Variants in ITPRID1 observed in about 807,000 individuals in gnomAD.
ITPRID1 encodes protein ITPRID1.
A neutral mutation model predicts 95.4 loss-of-function variants in ITPRID1; 96 were observed. The ratio of observed to expected loss-of-function variants is 1.01; its 90% CI spans 0.85 to 1.19. ITPRID1 has a LOEUF of 1.19. ITPRID1 is among the 50% of genes most tolerant of loss of function. ITPRID1 has a pLI of 0.00. For synonymous variants in ITPRID1, 510 were observed against 453.6 expected (o/e 1.12, Z -1.58); for missense variants, 1,339 against 1,252.9 (o/e 1.07, Z -1.04).
chr7:31,560,200 C>G (rs1784580447), intron 5 of ITPRID1, among the ~76,000 whole-genome samples: 1 of 152,118 alleles, frequency 6.6e-6, no homozygotes, highest in African/African-American at 2.4e-5. Flanking sequence ...GGAGTATGTC[C>G]TCTGTGTTCC....
intron 10 of ITPRID1, among the ~76,000 whole-genome samples, chr7:31,625,601 A>G (rs1034608734): frequency 1.3e-5 from 2 of 152,024 alleles, no homozygotes; most frequent in African/African-American, 4.8e-5. Flanking sequence ...GAGAGGGAAC[A>G]TCACACTCTG....
chr7:31,519,628 A>C (rs1473178694), intron 1 of ITPRID1, among the ~76,000 whole-genome samples: 125 of 93,384 alleles, frequency 1.3e-3, no homozygotes, highest in Middle Eastern at 6.6e-3. Flanking sequence ...CTCTATATAT[A>C]TATATATATA....
chr7:31,568,768 A>C (rs1047344175), intron 5 of ITPRID1, among the ~76,000 whole-genome samples: 1 of 152,072 alleles, frequency 6.6e-6, no homozygotes, highest in Non-Finnish European at 1.5e-5. Context: ...TTGCTCAAAA[A>C]CCTTTCGTGG....
intron 10 of ITPRID1, among the ~76,000 whole-genome samples, chr7:31,622,000 G>A (rs1357696198): frequency 4.2e-5 from 6 of 142,784 alleles, no homozygotes; most frequent in Middle Eastern, 7.0e-3. Context: ...GATCAAAAGA[G>A]ACAAAGAAGG....
At position 31,552,989 on chromosome 7, in the gene ITPRID1, T is replaced by C; in HGVS notation, c.-23-13T>C. 5 of 1,594,578 alleles carry C rather than the reference T, an allele frequency of 3.1e-6. No individual in the cohort carries two copies. The Middle Eastern group carries it at 5.0e-4, about 159-fold the overall frequency. ...TCATCGTGTCTGATTTGTTTGTGTG[T>C]GTGTGTTTTAAGTTAGTTTGCAGAA... On this transcript the variant is annotated splice_polypyrimidine_tract_variant and intron_variant, in intron 2 of 14. Transcript: ENST00000615280.
chr7:31,540,285 T>A (rs780115284), intron 1 of ITPRID1, among the ~76,000 whole-genome samples: 1 of 152,108 alleles, frequency 6.6e-6, no homozygotes, highest in Non-Finnish European at 1.5e-5. Flanking sequence ...CCCTCAGTTA[T>A]TAGTTGTCAG....
chr7:31,519,620 C>CTCTCTCTCTCTCTCTCTCTATA, intron 1 of ITPRID1, among the ~76,000 whole-genome samples: 1 of 25,254 alleles, frequency 4.0e-5, no homozygotes, highest in Non-Finnish European at 7.3e-5. Flanking sequence ...CTCTCTCTCT[C>CTCTCTCTCTCTCTCTCTCTATA]TATATATATA....
chr7:31,533,917 G>A (rs1783678888), intron 1 of ITPRID1, among the ~76,000 whole-genome samples: 1 of 152,134 alleles, frequency 6.6e-6, no homozygotes, highest in African/African-American at 2.4e-5. Context: ...ACTAGTATTA[G>A]TCCCTGGCCT....
chr7:31,632,022 A>C (rs1409628928), intron 10 of ITPRID1, among the ~76,000 whole-genome samples: 1 of 152,212 alleles, frequency 6.6e-6, no homozygotes, highest in African/African-American at 2.4e-5. Flanking sequence ...GAAGGCTTCC[A>C]GTAGAAGGTT....
chr7:31,553,827 T>G (rs964896596), intron 3 of ITPRID1, among the ~76,000 whole-genome samples: 11 of 152,198 alleles, frequency 7.2e-5, no homozygotes, highest in African/African-American at 2.7e-4. Context: ...AGTACACAGT[T>G]GCTAAGCAGA....
rs763795462 is a variant in ITPRID1 at position 31,651,945 on chromosome 7, G to T, written c.2718G>T (p.Glu906Asp). ...TTCTATTATTTACTTGCAGGGAGGA[G>T]GCCGAGCAACTGCAAACGTTACGTG... ...SRDMSEEERE[E>D]AEQLQTLREA... is the part of the protein sequence containing the mutation. Residue 906 changes from glutamate (E) to aspartate (D), a missense_variant, in exon 14 of 15, where the codon GAG becomes GAT. Transcript: ENST00000615280. 6.3e-7 allele frequency: 1 copy of T among 1,592,356 alleles called. No homozygotes were observed. Among genetic ancestry groups the T allele is most frequent in the Non-Finnish European group, 8.6e-7 (1 of 1,169,180 alleles).
chr7:31,585,080 C>T (rs1239390902), intron 10 of ITPRID1, among the ~76,000 whole-genome samples: 2 of 152,192 alleles, frequency 1.3e-5, no homozygotes, highest in African/African-American at 4.8e-5. Flanking sequence ...AATAAGCCAT[C>T]TTTGATGTCT....
chr7:31,647,673 CAAAA>C lies in ITPRID1; in HGVS notation c.2584-3450_2584-3447del, dbSNP rs11345351. ...TGAGCAACAGAGAGAGTCTCCGTCT[CAAAA>C]AAAAAAAAAAAAAAAAAAGAAGAGG... On this transcript the variant is annotated intron_variant, in intron 12 of 14. Coordinates refer to ENST00000615280, the MANE Select transcript of ITPRID1 (RefSeq NM_001257967.3). Among the ~76,000 whole-genome samples, 226 of 69,366 alleles carry C rather than the reference CAAAA, an allele frequency of 3.3e-3. 1 individual carries two copies. Among genetic ancestry groups the C allele is most frequent in the African/African-American group, 0.011 (215 of 19,478 alleles). The allele number at this position is 69,366 out of a possible 152,430, so 45.5% of individuals were successfully genotyped here. A position where few individuals can be genotyped will look rare whatever the true frequency, so the allele number is the denominator to read the frequency against.
chr7:31,587,146 A>C (rs1203837808), intron 10 of ITPRID1, among the ~76,000 whole-genome samples: 2 of 152,196 alleles, frequency 1.3e-5, no homozygotes, highest in Admixed American at 1.3e-4. Context: ...CAGGGCAATT[A>C]GGCAGGAGAA....
intron 10 of ITPRID1, among the ~76,000 whole-genome samples, chr7:31,615,752 CTTTTTTTTTTTT>C (rs11324820): frequency 7.0e-6 from 1 of 143,412 alleles, no homozygotes; most frequent in Admixed American, 7.0e-5. Flanking sequence ...ACTGAGAATT[CTTTTTTTTTTTT>C]TTTTTCTGAG....
rs545824115 is a variant in ITPRID1 at position 31,643,429 on chromosome 7, A to G, written c.2059A>G (p.Ile687Val). Residue 687 changes from isoleucine (I) to valine (V), a missense_variant, in exon 12 of 15, where the codon ATA (isoleucine) becomes GTA (valine). Coordinates refer to ENST00000615280, the MANE Select transcript of ITPRID1 (RefSeq NM_001257967.3). ...VKSRSGTLGQ[I>V]LPGTEAEMEN... Reference sequence around the variant, plus strand: ...GTCAAGGTCTGGTACTTTGGGTCAGATACTACCTGGGACAGAAGCTGAGAT... The same window carrying G: ...GTCAAGGTCTGGTACTTTGGGTCAGGTACTACCTGGGACAGAAGCTGAGAT... 6.2e-7 allele frequency: 1 copy of G among 1,614,002 alleles called. No individual in the cohort carries two copies. The highest frequency in any genetic ancestry group is 1.7e-5 in the Admixed American group (1 of 60,010).
chr7:31,620,185 A>G (rs541301989), intron 10 of ITPRID1, among the ~76,000 whole-genome samples: 1 of 152,148 alleles, frequency 6.6e-6, no homozygotes, highest in Non-Finnish European at 1.5e-5. Context: ...GGCAGGGCAC[A>G]GACAAACAAA....
chr7:31,569,644 T>A, intron 5 of ITPRID1, 114 bp from the exon 6 acceptor site: 1 of 814,334 alleles, frequency 1.2e-6, no homozygotes, highest in South Asian at 1.7e-5. Context: ...ATTTCATGCC[T>A]ATATAACCTT....
At chr7:31,625,741 G>GTGCACATGTACCCTAAACTTAAAGTATA (rs1788402067) in intron 10 of ITPRID1, among the ~76,000 whole-genome samples, 2 of 151,802 alleles carry the variant, frequency 1.3e-5, no homozygotes, top group Admixed American at 1.3e-4. Context: ...CCTGCACATT[G>GTGCACATGTACCCTAAACTTAAAGTATA]TGCACATGTA....
Sources: gnomAD v4.1 joint callset for allele counts (sites outside exome capture counted in the v4.1 genomes callset) on GRCh38, gnomAD v4.1.1 for gene constraint, MANE v1.5 for transcripts, NCBI Gene and HGNC (gene_info 2026-07-23, HGNC 2026-07-21) for gene names.